Variants in PDE4B observed in about 807,000 individuals in gnomAD.
PDE4B encodes 3',5'-cyclic-AMP phosphodiesterase 4B.
Under a neutral mutation model 82.2 loss-of-function variants are expected in PDE4B, and 20 were observed. The ratio of observed to expected loss-of-function variants is 0.24; its 90% CI spans 0.17 to 0.35. The LOEUF is 0.35. PDE4B is among the 10% of genes least tolerant of loss of function. PDE4B has a pLI of 1.00. For synonymous variants in PDE4B, 320 were observed against 318.9 expected (o/e 1.00, Z -0.04); for missense variants, 655 against 907.2 (o/e 0.72, Z 3.57).
intron 3 of PDE4B, among the ~76,000 whole-genome samples, chr1:66,129,396 G>T (rs923276808): frequency 6.6e-5 from 10 of 151,990 alleles, no homozygotes; most frequent in Non-Finnish European, 1.5e-4. Flanking sequence ...GGTGGCTCAC[G>T]CCTGTAATCC....
At chr1:65,990,416 A>T (rs1434067449) in intron 3 of PDE4B, among the ~76,000 whole-genome samples, 1 of 152,182 alleles carries the variant, frequency 6.6e-6, no homozygotes, top group Non-Finnish European at 1.5e-5. Context: ...GTAACTTCAA[A>T]TTGCTGGGGT....
At chr1:65,820,775 A>C (rs1156792314) in intron 1 of PDE4B, among the ~76,000 whole-genome samples, 6 of 152,224 alleles carry the variant, frequency 3.9e-5, no homozygotes, top group African/African-American at 1.4e-4. Context: ...AAGTATTGAC[A>C]ATCAATGGTA....
At chr1:65,928,542 G>A (rs1647649680) in intron 3 of PDE4B, among the ~76,000 whole-genome samples, 1 of 152,160 alleles carries the variant, frequency 6.6e-6, no homozygotes, top group African/African-American at 2.4e-5. Context: ...TACTCCCATT[G>A]TATTTAAATT....
chr1:65,793,299 TC>T (rs1557750259), intron 1 of PDE4B, 51 bp downstream of exon 1: 1 of 152,326 alleles, frequency 6.6e-6, no homozygotes. Context: ...TTCTCTTACT[TC>T]ATCACACACT....
intron 3 of PDE4B, among the ~76,000 whole-genome samples, chr1:66,094,798 C>T (rs1235624811): frequency 1.3e-5 from 2 of 151,962 alleles, no homozygotes; most frequent in Non-Finnish European, 2.9e-5. Flanking sequence ...ATGCTTGACT[C>T]ATATTAGCAT....
chr1:65,818,685 C>CACACATATATAT, intron 1 of PDE4B, among the ~76,000 whole-genome samples: 1 of 143,778 alleles, frequency 7.0e-6, no homozygotes, highest in East Asian at 2.1e-4. Flanking sequence ...CACACACACA[C>CACACATATATAT]ATATATATAT....
At chr1:66,061,421 G>A (rs1287469157) in intron 3 of PDE4B, among the ~76,000 whole-genome samples, 1 of 151,774 alleles carries the variant, frequency 6.6e-6, no homozygotes, top group Non-Finnish European at 1.5e-5. Flanking sequence ...TAAGAGTAAA[G>A]ACTTCTCGGT....
chr1:66,144,118 C>A (rs74084637), intron 3 of PDE4B, among the ~76,000 whole-genome samples: 2,288 of 152,314 alleles, frequency 0.015, 50 homozygotes, highest in African/African-American at 0.053. Context: ...ATGGAAGTTA[C>A]AAGCCCTAAG....
intron 3 of PDE4B, among the ~76,000 whole-genome samples, chr1:66,003,928 C>G (rs1652008010): frequency 6.6e-6 from 1 of 152,082 alleles, no homozygotes; most frequent in Non-Finnish European, 1.5e-5. Flanking sequence ...TGAGTTCACC[C>G]ATAAAACAGT....
chr1:66,332,560 T>C lies in PDE4B; in HGVS notation c.687T>C (p.Cys229=). The part of the protein sequence containing the change: ...AMETLEELDW[C]LDQLETIQTY... ...AAACGCTGGAGGAATTAGACTGGTGTTTAGACCAGCTAGAGACCATACAGA... is the reference window on the plus strand; with the variant it reads ...AAACGCTGGAGGAATTAGACTGGTGCTTAGACCAGCTAGAGACCATACAGA... Residue 229 remains cysteine (C), a synonymous_variant, in exon 8 of 17, where the codon TGT becomes TGC. Coordinates refer to ENST00000341517, the MANE Select transcript of PDE4B (RefSeq NM_002600.4). 1 of 1,614,078 alleles carries C rather than the reference T, an allele frequency of 6.2e-7. No homozygotes were observed. The highest frequency in any genetic ancestry group is 8.5e-7 in the Non-Finnish European group (1 of 1,179,940).
chr1:65,879,087 G>A (rs1439024776), intron 1 of PDE4B, among the ~76,000 whole-genome samples: 1 of 152,018 alleles, frequency 6.6e-6, no homozygotes, highest in East Asian at 1.9e-4. Flanking sequence ...TCACACCCTG[G>A]TTTCTTCCCT....
chr1:66,274,182 T>TA (rs1655705677), intron 7 of PDE4B, among the ~76,000 whole-genome samples: 1 of 151,554 alleles, frequency 6.6e-6, no homozygotes, highest in African/African-American at 2.4e-5. Context: ...TTTTTTGAGA[T>TA]AGAGTTTCAC....
intron 3 of PDE4B, among the ~76,000 whole-genome samples, chr1:66,075,388 T>A (rs1275884101): frequency 6.7e-6 from 1 of 150,260 alleles, no homozygotes; most frequent in East Asian, 2.1e-4. Context: ...CATATGGTAA[T>A]TCTTTGTTAA....
At chr1:66,002,984 G>A (rs922523039) in intron 3 of PDE4B, among the ~76,000 whole-genome samples, 1 of 152,130 alleles carries the variant, frequency 6.6e-6, no homozygotes. Context: ...AGATGTTACT[G>A]TTTAATTATC....
At chr1:65,921,420 A>G (rs1261490608) in intron 3 of PDE4B, among the ~76,000 whole-genome samples, 1 of 152,186 alleles carries the variant, frequency 6.6e-6, no homozygotes, top group Non-Finnish European at 1.5e-5. Context: ...AATGCCATCA[A>G]CTTGATGAAA....
intron 1 of PDE4B, among the ~76,000 whole-genome samples, chr1:65,840,042 T>C (rs1570999848): frequency 6.6e-6 from 1 of 152,186 alleles, no homozygotes. Context: ...ATAAGCCAAG[T>C]GAAGTTAGTA....
intron 3 of PDE4B, among the ~76,000 whole-genome samples, chr1:66,036,024 TAGTAGCCA>T (rs1654040511): frequency 6.6e-6 from 1 of 152,240 alleles, no homozygotes; most frequent in Admixed American, 6.5e-5. Context: ...TTCATCTTGA[TAGTAGCCA>T]CCGTAACAGG....
intron 3 of PDE4B, among the ~76,000 whole-genome samples, chr1:66,206,743 CA>C (rs1468790275): frequency 6.6e-6 from 1 of 152,146 alleles, no homozygotes; most frequent in Non-Finnish European, 1.5e-5. Flanking sequence ...CGTGGGCAGC[CA>C]GTCACCCATG....
At chr1:65,807,320 A>C (rs539739007) in intron 1 of PDE4B, among the ~76,000 whole-genome samples, 4 of 152,362 alleles carry the variant, frequency 2.6e-5, no homozygotes, top group Admixed American at 6.5e-5. Context: ...CTCAAAATTG[A>C]GTAAAAAAAT....
Sources: allele counts gnomAD v4.1 joint callset (sites outside exome capture counted in the v4.1 genomes callset), GRCh38; gene constraint gnomAD v4.1.1; transcripts MANE v1.5; gene names NCBI Gene and HGNC (gene_info 2026-07-23, HGNC 2026-07-21).